ZBTB20: variants seen among roughly 807,000 people sequenced by gnomAD.
ZBTB20 encodes the protein zinc finger and BTB domain-containing protein 20.
ZBTB20 carries 9 observed loss-of-function variants against 56.9 expected under a neutral mutation model. The observed-to-expected ratio is 0.16, with a 90% CI of 0.10 to 0.28. The LOEUF is 0.28. ZBTB20 is among the 10% of genes least tolerant of loss of function. The probability of loss-of-function intolerance (pLI) is 1.00; values close to 1 mark genes in which losing one functional copy is unlikely to be tolerated. For missense variants in ZBTB20, 655 were observed against 1,003.0 expected (o/e 0.65, Z 4.69); for synonymous variants, 417 against 420.7 (o/e 0.99, Z 0.11).
intron 6 of ZBTB20, among the ~76,000 whole-genome samples, chr3:114,500,951 C>A (rs1053824490): frequency 1.3e-5 from 2 of 152,120 alleles, no homozygotes; most frequent in African/African-American, 2.4e-5. Flanking sequence ...CAGTACATGA[C>A]CAATTTTAGC....
intron 2 of ZBTB20, among the ~76,000 whole-genome samples, chr3:115,009,824 TC>T (rs2079623506): frequency 6.6e-6 from 1 of 151,908 alleles, no homozygotes; most frequent in Non-Finnish European, 1.5e-5. Flanking sequence ...AAAAAGGCCC[TC>T]ACTAGATGCC....
At chr3:115,107,349 G>A (rs2083752084) in intron 1 of ZBTB20, among the ~76,000 whole-genome samples, 1 of 151,808 alleles carries the variant, frequency 6.6e-6, no homozygotes, top group Non-Finnish European at 1.5e-5. Flanking sequence ...GAGCCCAGGA[G>A]GTCAAAGCAG....
At chr3:114,722,969 A>G (rs1276893485) in intron 5 of ZBTB20, among the ~76,000 whole-genome samples, 1 of 152,192 alleles carries the variant, frequency 6.6e-6, no homozygotes, top group Non-Finnish European at 1.5e-5. Context: ...TTTCGTCTAA[A>G]GTCCAGGGCA....
chr3:115,125,139 T>G (rs142801420), intron 1 of ZBTB20, among the ~76,000 whole-genome samples: 1 of 151,928 alleles, frequency 6.6e-6, no homozygotes, highest in Non-Finnish European at 1.5e-5. Flanking sequence ...GGTAAGAGTC[T>G]GAGACCAGCG....
chr3:115,055,508 T>C (rs1410079825), intron 2 of ZBTB20, among the ~76,000 whole-genome samples: 1 of 152,162 alleles, frequency 6.6e-6, no homozygotes, highest in Non-Finnish European at 1.5e-5. Flanking sequence ...CTGCTAAGTC[T>C]GTGGTAATTT....
chr3:115,097,936 A>G (rs893942910), intron 1 of ZBTB20, among the ~76,000 whole-genome samples: 1 of 152,220 alleles, frequency 6.6e-6, no homozygotes, highest in Non-Finnish European at 1.5e-5. Flanking sequence ...AAAATATTTT[A>G]GATCTACTGA....
chr3:114,824,828 A>G (rs928073861), intron 4 of ZBTB20, among the ~76,000 whole-genome samples: 1 of 151,794 alleles, frequency 6.6e-6, no homozygotes, highest in Non-Finnish European at 1.5e-5. Context: ...AAAAACTACC[A>G]CTTTGTATTT....
intron 6 of ZBTB20, among the ~76,000 whole-genome samples, chr3:114,555,171 A>G: frequency 6.6e-6 from 1 of 152,108 alleles, no homozygotes; most frequent in East Asian, 1.9e-4. Context: ...GCTATTCCTC[A>G]ATTTCTTCAT....
intron 2 of ZBTB20, among the ~76,000 whole-genome samples, chr3:114,978,783 T>C (rs2078211634): frequency 6.6e-6 from 1 of 151,968 alleles, no homozygotes; most frequent in Admixed American, 6.6e-5. Context: ...GTTTTTTTCT[T>C]CTTAGAATTT....
chr3:115,144,934 A>C (rs1576844519), intron 1 of ZBTB20: 1 of 152,226 alleles, frequency 6.6e-6, no homozygotes, highest in South Asian at 2.1e-4. Context: ...AAAAATATCC[A>C]ATTGCCCAAC....
chr3:115,008,257 TTC>T (rs964058514), intron 2 of ZBTB20, among the ~76,000 whole-genome samples: 3 of 151,900 alleles, frequency 2.0e-5, no homozygotes, highest in Non-Finnish European at 4.4e-5. Flanking sequence ...AATGATATTT[TTC>T]TGTTATTCCC....
Position 114,558,164 on chromosome 3 carries a change from T to C in ZBTB20, c.-294-57773A>G, listed in dbSNP as rs112057970. Among the ~76,000 whole-genome samples, 93 of 152,170 alleles carry C rather than the reference T, an allele frequency of 6.1e-4. 1 individual carries two copies. Among genetic ancestry groups the C allele is most frequent in the African/African-American group, 2.2e-3 (90 of 41,552 alleles). ...TGGATGGTGGTAAAGAATCAGGACA[T>C]TTAAACTTCTATTAAAAAGGGACAG... On this transcript the variant is annotated intron_variant, in intron 6 of 11. Transcript: ENST00000675478.
At chr3:115,128,581 T>C (rs2084403077) in intron 1 of ZBTB20, among the ~76,000 whole-genome samples, 2 of 151,572 alleles carry the variant, frequency 1.3e-5, no homozygotes, top group South Asian at 2.1e-4. Flanking sequence ...TGAGAATCGC[T>C]TGAACCCAGG....
intron 6 of ZBTB20, among the ~76,000 whole-genome samples, chr3:114,528,047 G>T (rs995759495): frequency 6.9e-6 from 1 of 144,410 alleles, no homozygotes; most frequent in African/African-American, 2.6e-5. Context: ...TTCACTACAT[G>T]GACAATGCCT....
chr3:114,497,666 T>C lies in ZBTB20; in HGVS notation c.-255+2686A>G, dbSNP rs367979596. Among the ~76,000 whole-genome samples, 162 of 152,322 alleles carry C rather than the reference T, an allele frequency of 1.1e-3. 1 individual carries two copies. Among genetic ancestry groups the C allele is most frequent in the African/African-American group, 3.9e-3 (161 of 41,576 alleles). On this transcript the variant is annotated intron_variant, in intron 7 of 11. Transcript: ENST00000675478. ...CGTCTTGTATATACCTGCATTTCAG[T>C]GCCTATCATATGCTATAGTCTTTAT...
chr3:114,641,470 T>C (rs1257986730), intron 6 of ZBTB20, among the ~76,000 whole-genome samples: 2 of 151,728 alleles, frequency 1.3e-5, no homozygotes, highest in African/African-American at 2.4e-5. Context: ...GATATAAGAA[T>C]AATTTTTCTT....
chr3:115,101,933 A>G (rs2083596713), intron 1 of ZBTB20, among the ~76,000 whole-genome samples: 1 of 152,242 alleles, frequency 6.6e-6, no homozygotes, highest in South Asian at 2.1e-4. Context: ...CTTTCAATAT[A>G]TAACTTATAG....
chr3:114,899,890 C>G (rs2075038671), intron 4 of ZBTB20, among the ~76,000 whole-genome samples: 1 of 152,044 alleles, frequency 6.6e-6, no homozygotes, highest in African/African-American at 2.4e-5. Flanking sequence ...ACATCTGCAA[C>G]CACTCCATAC....
chr3:114,967,857 T>C (rs1482346701), intron 3 of ZBTB20, among the ~76,000 whole-genome samples: 1 of 151,680 alleles, frequency 6.6e-6, no homozygotes, highest in Admixed American at 6.6e-5. Flanking sequence ...CTCAGGAGGC[T>C]GAGGCACGAG....
Sources: allele counts gnomAD v4.1 joint callset (sites outside exome capture counted in the v4.1 genomes callset), GRCh38; gene constraint gnomAD v4.1.1; transcripts MANE v1.5; gene names NCBI Gene and HGNC (gene_info 2026-07-23, HGNC 2026-07-21).